The following COL5A2 variants were observed in gnomAD, a reference collection of about 807,000 sequenced individuals.
COL5A2 encodes the protein collagen alpha-2(V) chain.
COL5A2 carries 23 observed loss-of-function variants against 208.2 expected under a neutral mutation model. The observed-to-expected ratio is 0.11, with a 90% CI of 0.08 to 0.16. The LOEUF (loss-of-function observed/expected upper bound fraction) is 0.16, where lower values mean the gene tolerates loss of function less well. Among genes scored for constraint, COL5A2 ranks in the 10% least tolerant of loss-of-function variants. COL5A2 has a pLI of 1.00. For missense variants in COL5A2, 1,590 were observed against 1,956.4 expected (o/e 0.81, Z 3.53); for synonymous variants, 625 against 628.5 (o/e 0.99, Z 0.08).
chr2:189,261,262 C>T, the COL5A2 span, among the ~76,000 whole-genome samples: 1 of 152,048 alleles, frequency 6.6e-6, no homozygotes. Flanking sequence ...GTTATGTATC[C>T]CTAATTGAAA....
chr2:189,317,625 T>A, the COL5A2 span, among the ~76,000 whole-genome samples: 1 of 152,158 alleles, frequency 6.6e-6, no homozygotes, highest in African/African-American at 2.4e-5. Context: ...AACCACTCAA[T>A]ATGACAGTTT....
At chr2:189,050,783 G>T (rs1319740206) in intron 42 of COL5A2, 107 bp from the exon 43 acceptor site, 1 of 907,700 alleles carries the variant, frequency 1.1e-6, no homozygotes, top group Non-Finnish European at 1.7e-6. Context: ...GTATGAAAAA[G>T]AAGTTCTCTG....
At chr2:189,342,700 A>G in the COL5A2 span, among the ~76,000 whole-genome samples, 1 of 150,958 alleles carries the variant, frequency 6.6e-6, no homozygotes, top group Non-Finnish European at 1.5e-5. Flanking sequence ...GTTGTTTTTG[A>G]TACACAAATT....
At chr2:189,233,676 A>C in the COL5A2 span, among the ~76,000 whole-genome samples, 2 of 151,768 alleles carry the variant, frequency 1.3e-5, no homozygotes, top group African/African-American at 2.4e-5. Flanking sequence ...TGTTCAAATT[A>C]AGATTTCTCA....
chr2:189,351,323 T>A, the COL5A2 span, among the ~76,000 whole-genome samples: 1 of 152,246 alleles, frequency 6.6e-6, no homozygotes, highest in African/African-American at 2.4e-5. Context: ...ATGAAGTTTT[T>A]GCAAAGATAT....
the COL5A2 span, among the ~76,000 whole-genome samples, chr2:189,431,334 G>C: frequency 6.6e-6 from 1 of 152,208 alleles, no homozygotes; most frequent in Non-Finnish European, 1.5e-5. Context: ...AAGCTGGACA[G>C]AGAAAGACTT....
intron 40 of COL5A2, 52 bp downstream of exon 40, chr2:189,052,697 T>C: frequency 6.5e-7 from 1 of 1,529,528 alleles, no homozygotes; most frequent in Non-Finnish European, 9.1e-7. Context: ...CAGGAAGCAC[T>C]AGGTAACTAG....
At chr2:189,381,670 C>T in the COL5A2 span, among the ~76,000 whole-genome samples, 2 of 151,904 alleles carry the variant, frequency 1.3e-5, no homozygotes, top group Non-Finnish European at 2.9e-5. Flanking sequence ...ATAATAAATA[C>T]TTGCGGTATG....
chr2:189,251,768 A>G, the COL5A2 span, among the ~76,000 whole-genome samples: 1 of 152,194 alleles, frequency 6.6e-6, no homozygotes, highest in Non-Finnish European at 1.5e-5. Flanking sequence ...AATGGGACCT[A>G]ATTAAACTAA....
chr2:189,432,551 C>T, the COL5A2 span, among the ~76,000 whole-genome samples: 1 of 152,136 alleles, frequency 6.6e-6, no homozygotes, highest in Non-Finnish European at 1.5e-5. Flanking sequence ...ATAAAACAGA[C>T]TTTAAACCAA....
chr2:189,286,529 G>A, the COL5A2 span, among the ~76,000 whole-genome samples: 2 of 151,898 alleles, frequency 1.3e-5, no homozygotes, highest in African/African-American at 2.4e-5. Context: ...GGAGGTACTC[G>A]GAGGGAAAAA....
the COL5A2 span, among the ~76,000 whole-genome samples, chr2:189,291,081 A>C: frequency 6.6e-6 from 1 of 152,162 alleles, no homozygotes. Flanking sequence ...TTAAAATTTA[A>C]GAATATTTAA....
the COL5A2 span, among the ~76,000 whole-genome samples, chr2:189,334,709 T>A: frequency 1.3e-5 from 2 of 152,052 alleles, no homozygotes; most frequent in African/African-American, 4.8e-5. Flanking sequence ...AGCAGGTGTC[T>A]TGGACAAAAT....
chr2:189,036,166 CT>C (rs1685440042), intron 52 of COL5A2, among the ~76,000 whole-genome samples: 1 of 152,078 alleles, frequency 6.6e-6, no homozygotes, highest in Admixed American at 6.6e-5. Context: ...ATCACCCTTA[CT>C]TTAAACTGGC....
At chr2:189,415,368 C>T in the COL5A2 span, among the ~76,000 whole-genome samples, 1 of 152,060 alleles carries the variant, frequency 6.6e-6, no homozygotes, top group African/African-American at 2.4e-5. Flanking sequence ...ATATGGCCTG[C>T]AGGATGTATG....
the COL5A2 span, among the ~76,000 whole-genome samples, chr2:189,316,914 G>A: frequency 6.6e-6 from 1 of 151,894 alleles, no homozygotes; most frequent in African/African-American, 2.4e-5. Flanking sequence ...TAACCCAAAG[G>A]ATAAATTATT....
At chr2:189,270,259 T>C in the COL5A2 span, among the ~76,000 whole-genome samples, 4 of 152,164 alleles carry the variant, frequency 2.6e-5, no homozygotes, top group Non-Finnish European at 5.9e-5. Context: ...AACATAGTTA[T>C]TTCTTGTCTT....
chr2:189,069,279 C>T (rs1314082746), intron 18 of COL5A2, among the ~76,000 whole-genome samples: 1 of 152,126 alleles, frequency 6.6e-6, no homozygotes, highest in Non-Finnish European at 1.5e-5. Context: ...AGAAACAGCC[C>T]TACACCTCAG....
At chr2:189,257,433 G>A in the COL5A2 span, among the ~76,000 whole-genome samples, 1 of 152,118 alleles carries the variant, frequency 6.6e-6, no homozygotes. Flanking sequence ...AATATTTTAA[G>A]ATATATCTCA....
Sources: allele counts gnomAD v4.1 joint callset (sites outside exome capture counted in the v4.1 genomes callset), GRCh38; gene constraint gnomAD v4.1.1; transcripts MANE v1.5; gene names NCBI Gene and HGNC (gene_info 2026-07-23, HGNC 2026-07-21).